The following DMD variants were observed in gnomAD, a reference collection of about 807,000 sequenced individuals.
The protein encoded by DMD is dystrophin, also known as mutant dystrophin.
DMD carries 63 observed loss-of-function variants against 330.1 expected under a neutral mutation model. That is an observed-to-expected ratio of 0.19 (90% CI 0.16 to 0.24). DMD has a LOEUF of 0.24. DMD is among the 10% of genes least tolerant of loss of function. DMD has a pLI of 1.00. For synonymous variants in DMD, 1,223 were observed against 959.8 expected, an observed-to-expected ratio of 1.27 and a Z score of -5.07; for missense variants, 3,344 against 2,684.1, an observed-to-expected ratio of 1.25 and a Z score of -5.43.
chrX:32,370,842 AAATC>A (rs2147330176), intron 34 of DMD, among the ~76,000 whole-genome samples: 1 of 111,444 alleles, frequency 9.0e-6, no homozygotes, highest in East Asian at 2.8e-4. Flanking sequence ...TTAAACTGTG[AAATC>A]TTACTGTTAT....
chrX:32,503,715 C>T (rs1309958236), intron 18 of DMD, among the ~76,000 whole-genome samples: 2 of 110,157 alleles, frequency 1.8e-5, no homozygotes, highest in African/African-American at 3.3e-5. Flanking sequence ...ACCACCACGC[C>T]CAGCTAATTT....
chrX:32,614,647 C>A (rs1326496188), intron 11 of DMD, among the ~76,000 whole-genome samples, 194 bp from the exon 12 acceptor site: 1 of 111,287 alleles, frequency 9.0e-6, no homozygotes, highest in Non-Finnish European at 1.9e-5. Context: ...TATAATAGTT[C>A]ACAAATCCTG....
At chrX:32,559,002 G>C (rs1427052071) in intron 16 of DMD, among the ~76,000 whole-genome samples, 1 of 92,939 alleles carries the variant, frequency 1.1e-5, no homozygotes, top group African/African-American at 4.5e-5. Context: ...CCCGGCTGGA[G>C]TGCAGTGGCA....
chrX:32,608,399 T>C (rs2056906667), intron 12 of DMD, among the ~76,000 whole-genome samples: 1 of 110,312 alleles, frequency 9.1e-6, no homozygotes, highest in South Asian at 3.7e-4. Flanking sequence ...ATCATTTATG[T>C]CAAAATAATA....
chrX:32,406,047 T>A (rs1362714485), intron 30 of DMD, among the ~76,000 whole-genome samples: 2 of 111,593 alleles, frequency 1.8e-5, no homozygotes, highest in Non-Finnish European at 3.8e-5. Context: ...GATTTGGCTC[T>A]CTGTTTGTCT....
At chrX:31,527,650 G>A (rs1048263305) in intron 55 of DMD, among the ~76,000 whole-genome samples, 4 of 111,277 alleles carry the variant, frequency 3.6e-5, no homozygotes, top group Non-Finnish European at 7.5e-5. Flanking sequence ...CTACATCAGA[G>A]TTCCAAAGTT....
chrX:32,324,635 ATT>A (rs1212546337), intron 41 of DMD, among the ~76,000 whole-genome samples: 4 of 111,650 alleles, frequency 3.6e-5, no homozygotes. Context: ...AATTGGGTGC[ATT>A]CTACATAAGG....
At chrX:31,472,015 A>T (rs757798179) in intron 59 of DMD, among the ~76,000 whole-genome samples, 1 of 112,534 alleles carries the variant, frequency 8.9e-6, no homozygotes, top group South Asian at 3.7e-4. Context: ...TTTATGAAGG[A>T]TTAAATATTT....
In DMD at chrX:33,020,777, C is replaced by T. The variant is rs73621864; in HGVS notation, c.32-577G>A. Among the ~76,000 whole-genome samples, 1,011 of 111,620 alleles carry T rather than the reference C, an allele frequency of 9.1e-3. 13 individuals carry two copies. The highest frequency in any genetic ancestry group is 0.054 in the East Asian group (191 of 3,517). On this transcript the variant is annotated intron_variant, in intron 1 of 78. Coordinates refer to ENST00000357033, the MANE Select transcript of DMD (RefSeq NM_004006.3). ...TCTCCTCTGAATAACAGTATTTATTCGCCAGTTATGAATAGATACTCCAGT... is the reference window on the plus strand; with the variant it reads ...TCTCCTCTGAATAACAGTATTTATTTGCCAGTTATGAATAGATACTCCAGT...
chrX:32,783,367 T>C (rs1369730508), intron 7 of DMD, among the ~76,000 whole-genome samples: 1 of 103,577 alleles, frequency 9.7e-6, no homozygotes, highest in African/African-American at 3.5e-5. Flanking sequence ...TATACACACA[T>C]ATATATACAC....
chrX:32,609,508 GT>G (rs2056995086), intron 12 of DMD, among the ~76,000 whole-genome samples: 1 of 111,012 alleles, frequency 9.0e-6, no homozygotes, highest in African/African-American at 3.3e-5. Context: ...CAGCACCCAT[GT>G]GCTATAATGA....
chrX:32,464,462 A>T, intron 24 of DMD, 124 bp downstream of exon 24: 1 of 536,670 alleles, frequency 1.9e-6, no homozygotes, highest in Non-Finnish European at 3.2e-6. Context: ...AAACGTCTAG[A>T]AACATTAAAA....
chrX:32,448,762 T>C, intron 26 of DMD, 124 bp from the exon 27 acceptor site: 2 of 620,299 alleles, frequency 3.2e-6, no homozygotes, highest in Non-Finnish European at 4.7e-6. Context: ...CAAAAATAAA[T>C]CTAATATGAA....
intron 1 of DMD, among the ~76,000 whole-genome samples, chrX:33,255,713 T>C (rs2052845726): frequency 9.0e-6 from 1 of 111,362 alleles, no homozygotes; most frequent in African/African-American, 3.2e-5. Flanking sequence ...TCTAAAACTC[T>C]CTTTTTCTGT....
At chrX:32,726,186 G>A (rs1048478921) in intron 7 of DMD, among the ~76,000 whole-genome samples, 1 of 111,209 alleles carries the variant, frequency 9.0e-6, no homozygotes, top group African/African-American at 3.3e-5. Context: ...TGCGGGGTTA[G>A]CAAATCAACC....
At chrX:32,685,785 C>T (rs892902688) in intron 9 of DMD, among the ~76,000 whole-genome samples, 1 of 111,609 alleles carries the variant, frequency 9.0e-6, no homozygotes, top group African/African-American at 3.3e-5. Context: ...ACCATCAACT[C>T]ATCATTAATC....
chrX:31,773,999 A>T lies in DMD; in HGVS notation c.7503T>A (p.Gly2501=). The change falls in exon 51 of 79, where the codon GGT becomes GGA. Residue 2501 remains glycine (G), a synonymous_variant. Transcript: ENST00000357033. ...QVIKSQRVMV[G]DLEDINEMII... is the part of the protein sequence containing the mutation. ...TCATCTCGTTGATATCCTCAAGGTC[A>T]CCCACCATCACCCTCTGTGATTTTA... 8.3e-7 allele frequency: 1 copy of T among 1,209,736 alleles called. No homozygotes were observed.
At chrX:32,529,073 C>T (rs966155566) in intron 17 of DMD, among the ~76,000 whole-genome samples, 19 of 107,444 alleles carry the variant, frequency 1.8e-4, no homozygotes, top group Admixed American at 4.1e-4. Context: ...AGGCGCCTGC[C>T]GCCACGTCTG....
chrX:32,637,000 AAAAAAGAAAAAG>A (rs750481887), intron 11 of DMD, among the ~76,000 whole-genome samples: 3 of 110,875 alleles, frequency 2.7e-5, no homozygotes, highest in African/African-American at 6.6e-5. Flanking sequence ...TGTCTCAAAA[AAAAAAGAAAAAG>A]AAAAAGAAAA....
Sources: gnomAD v4.1 joint callset for allele counts (sites outside exome capture counted in the v4.1 genomes callset) on GRCh38, gnomAD v4.1.1 for gene constraint, MANE v1.5 for transcripts, NCBI Gene and HGNC (gene_info 2026-07-23, HGNC 2026-07-21) for gene names.